WDFY1: variants seen among roughly 807,000 people sequenced by gnomAD.
WDFY1 encodes WD repeat and FYVE domain-containing protein 1.
In WDFY1, 32 loss-of-function variants were observed where a neutral mutation model predicts 56.4. The observed-to-expected ratio is 0.57, with a 90% CI of 0.43 to 0.76. The LOEUF is 0.76. Ranked by LOEUF, WDFY1 falls within the 30% of genes least tolerant of loss-of-function variation. WDFY1 has a pLI of 0.00. For synonymous variants in WDFY1, 192 were observed against 197.3 expected, an observed-to-expected ratio of 0.97 and a Z score of 0.23; for missense variants, 480 against 545.7, an observed-to-expected ratio of 0.88 and a Z score of 1.20.
At chr2:223,882,490 TCACCCCA>T (rs1164440401) in intron 9 of WDFY1, among the ~76,000 whole-genome samples, 1 of 152,144 alleles carries the variant, frequency 6.6e-6, no homozygotes, top group South Asian at 2.1e-4. Flanking sequence ...TGAATTGCAA[TCACCCCA>T]ATTCAATGTA....
intron 6 of WDFY1, among the ~76,000 whole-genome samples, chr2:223,897,378 A>AT (rs1360824588): frequency 0.039 from 1,347 of 34,290 alleles, 45 homozygotes; most frequent in African/African-American, 0.071. Context: ...ATATATATAT[A>AT]TATATATATA....
intron 3 of WDFY1, among the ~76,000 whole-genome samples, chr2:223,906,814 C>G (rs1693603830): frequency 6.6e-6 from 1 of 151,922 alleles, no homozygotes; most frequent in South Asian, 2.1e-4. Flanking sequence ...GCCACTGCAC[C>G]TGGCCCCAAA....
chr2:223,939,288 T>C (rs901709698), intron 1 of WDFY1, among the ~76,000 whole-genome samples: 6 of 152,102 alleles, frequency 3.9e-5, no homozygotes, highest in Non-Finnish European at 5.9e-5. Flanking sequence ...AAGGAACCAG[T>C]GTTCTAGAGA....
At chr2:223,907,710 G>GGA (rs1316438579) in intron 3 of WDFY1, among the ~76,000 whole-genome samples, 8 of 152,130 alleles carry the variant, frequency 5.3e-5, no homozygotes, top group Non-Finnish European at 1.2e-4. Flanking sequence ...AAGCTAAAAC[G>GGA]GAGAGCTTCA....
chr2:223,902,210 T>G (rs763653532), intron 4 of WDFY1, among the ~76,000 whole-genome samples: 5 of 152,242 alleles, frequency 3.3e-5, no homozygotes, highest in African/African-American at 4.8e-5. Context: ...AAGGTTACAC[T>G]GAACAATTAA....
intron 2 of WDFY1, among the ~76,000 whole-genome samples, chr2:223,915,911 T>C (rs1034017583): frequency 9.2e-5 from 14 of 152,172 alleles, no homozygotes; most frequent in African/African-American, 2.7e-4. Flanking sequence ...ACTAAGACAT[T>C]GGTTACTTCA....
Position 223,899,029 on chromosome 2 carries a change from G to C in WDFY1, c.527C>G (p.Ser176Cys). 1 of 1,614,106 alleles carries C rather than the reference G, an allele frequency of 6.2e-7. No individual in the cohort carries two copies. The highest frequency in any genetic ancestry group is 8.5e-7 in the Non-Finnish European group (1 of 1,180,006). The change falls in exon 6 of 12, where the codon TCT (serine) becomes TGT (cysteine). Residue 176 changes from serine (S) to cysteine (C), a missense_variant. Ser to Cys is a moderately radical substitution (Grantham distance 112). Transcript: ENST00000233055. The part of the protein sequence containing the change: ...DTQYAFVGDY[S>C]GQITLLKLEQ... Reference sequence around the variant, plus strand: ...AAGCTTCAGCAGGGTGATCTGCCCAGAATAATCACCAACGAAAGCATACTG... The same window carrying C: ...AAGCTTCAGCAGGGTGATCTGCCCACAATAATCACCAACGAAAGCATACTG...
At chr2:223,891,485 AAAC>A (rs2106075886) in intron 8 of WDFY1, among the ~76,000 whole-genome samples, 1 of 151,768 alleles carries the variant, frequency 6.6e-6, no homozygotes, top group African/African-American at 2.4e-5. Flanking sequence ...AAAAACAAAC[AAAC>A]AAAAAAACCC....
At chr2:223,942,523 CTAACTTTTT>C (rs1280718326) in intron 1 of WDFY1, among the ~76,000 whole-genome samples, 1 of 60,840 alleles carries the variant, frequency 1.6e-5, no homozygotes, top group East Asian at 3.4e-4. Flanking sequence ...TGGCCAAAGG[CTAACTTTTT>C]TTTTTTTTTT....
At position 223,875,643 on chromosome 2, in the gene WDFY1, A is replaced by C. The variant is rs1692956012; in HGVS notation, c.*3028T>G. 6.6e-6 allele frequency: 1 copy of C among 152,248 alleles called. No homozygotes were observed. The highest frequency in any genetic ancestry group is 2.4e-5 in the African/African-American group (1 of 41,472). 9.4% of individuals were successfully genotyped at this position (152,248 alleles called of 1,614,324 possible). On this transcript the variant is annotated 3_prime_UTR_variant, in exon 12 of 12. Transcript: ENST00000233055. ...GAGTTATTGTATTGTAAACTGCAGA[A>C]AATAGAATAGGCATTCAATAAATCT...
At chr2:223,934,153 A>G (rs1341369816) in intron 1 of WDFY1, among the ~76,000 whole-genome samples, 2 of 150,226 alleles carry the variant, frequency 1.3e-5, no homozygotes, top group East Asian at 4.0e-4. Flanking sequence ...AAGTGGCACA[A>G]TCTCAGCTCA....
intron 4 of WDFY1, 120 bp from the exon 5 acceptor site, chr2:223,901,453 G>T: frequency 8.5e-7 from 1 of 1,177,508 alleles, no homozygotes; most frequent in Non-Finnish European, 1.2e-6. Context: ...GAGTGTACTG[G>T]AAATGCCTGT....
intron 8 of WDFY1, among the ~76,000 whole-genome samples, chr2:223,888,752 A>AT (rs1693213680): frequency 1.3e-5 from 2 of 150,246 alleles, no homozygotes; most frequent in South Asian, 4.2e-4. Context: ...ACACCCAGCT[A>AT]TTTTTTTGTA....
At chr2:223,910,645 A>C (rs1482775179) in intron 3 of WDFY1, among the ~76,000 whole-genome samples, 1 of 152,162 alleles carries the variant, frequency 6.6e-6, no homozygotes, top group Non-Finnish European at 1.5e-5. Flanking sequence ...AGTACCTAAG[A>C]AGATCCTCAA....
At chr2:223,923,752 C>T (rs1207863828) in intron 1 of WDFY1, among the ~76,000 whole-genome samples, 3 of 151,670 alleles carry the variant, frequency 2.0e-5, no homozygotes, top group Non-Finnish European at 4.4e-5. Flanking sequence ...CAGAGCAAGA[C>T]TCCGTCTCAA....
intron 1 of WDFY1, among the ~76,000 whole-genome samples, chr2:223,930,957 T>C (rs535231414): frequency 6.6e-6 from 1 of 152,366 alleles, no homozygotes; most frequent in South Asian, 2.1e-4. Context: ...AGGTGACCTG[T>C]AGGCTCATGA....
In WDFY1 at chr2:223,895,400, C is replaced by A. The variant is rs1693347673; in HGVS notation, c.725+104G>T. On this transcript the variant is annotated intron_variant, in intron 7 of 11. Coordinates refer to ENST00000233055, the MANE Select transcript of WDFY1 (RefSeq NM_020830.5). ...GAGCCCTATCAATGATAATTGCCAT[C>A]TTAGAACGTGGGGTTTGCAGAAAGT... is the stretch of plus-strand genomic sequence containing the variant. 2.6e-6 allele frequency: 4 copies of A among 1,551,186 alleles called. No individual in the cohort carries two copies. In the Admixed American group the frequency reaches 5.1e-5, roughly 20 times the overall value.
intron 9 of WDFY1, 104 bp downstream of exon 9, chr2:223,884,544 T>TTTGCAA: frequency 9.7e-7 from 1 of 1,027,190 alleles, no homozygotes; most frequent in South Asian, 1.3e-5. Flanking sequence ...TAGGAATTAA[T>TTTGCAA]AGCATTTGCA....
At position 223,877,705 on chromosome 2, in the gene WDFY1, C is replaced by T. The variant is rs1195026778; in HGVS notation, c.*966G>A. On this transcript the variant is annotated 3_prime_UTR_variant, in exon 12 of 12. Coordinates refer to ENST00000233055, the MANE Select transcript of WDFY1 (RefSeq NM_020830.5). ...ACTCAAAGTCAAAATAGTGTAAAAGCTGTGGAGTGCTTTTGTAGGGGGTAT... is the reference window on the plus strand; with the variant it reads ...ACTCAAAGTCAAAATAGTGTAAAAGTTGTGGAGTGCTTTTGTAGGGGGTAT... The T allele has an allele frequency of 1.3e-5, 2 of 152,496 alleles. No individual in the cohort carries two copies. The highest frequency in any genetic ancestry group is 4.8e-5 in the African/African-American group (2 of 41,438). The allele number at this position is 152,496 out of a possible 1,614,324, so 9.4% of individuals were successfully genotyped here.
Sources: allele counts gnomAD v4.1 joint callset (sites outside exome capture counted in the v4.1 genomes callset), GRCh38; gene constraint gnomAD v4.1.1; transcripts MANE v1.5; gene names NCBI Gene and HGNC (gene_info 2026-07-23, HGNC 2026-07-21).